Variants in RAD54L2 observed in about 807,000 individuals in gnomAD.
The protein encoded by RAD54L2 is helicase ARIP4.
Under a neutral mutation model 138.4 loss-of-function variants are expected in RAD54L2, and 27 were observed. That is an observed-to-expected ratio of 0.20 (90% CI 0.14 to 0.27). The LOEUF (loss-of-function observed/expected upper bound fraction) is 0.27. RAD54L2 is among the 10% of genes least tolerant of loss of function. The pLI, the probability that RAD54L2 is intolerant of heterozygous loss-of-function variation, is 1.00. For synonymous variants in RAD54L2, 644 were observed against 723.2 expected (o/e 0.89, Z 1.76); for missense variants, 1,396 against 1,890.2 (o/e 0.74, Z 4.85).
chr3:51,634,175 C>A, intron 9 of RAD54L2, 140 bp downstream of exon 9: 1 of 1,153,292 alleles, frequency 8.7e-7, no homozygotes, highest in Non-Finnish European at 1.2e-6. Flanking sequence ...TTTCTCTGTT[C>A]TTGCTACTCA....
chr3:51,567,297 G>A (rs749636599), intron 2 of RAD54L2, among the ~76,000 whole-genome samples: 15 of 152,062 alleles, frequency 9.9e-5, no homozygotes, highest in Non-Finnish European at 1.3e-4. Flanking sequence ...TACATGTTTC[G>A]CAGTGGGATA....
At position 51,645,463 on chromosome 3, in the gene RAD54L2, G is replaced by A; in HGVS notation, c.2657-128G>A. 9.4e-6 allele frequency: 10 copies of A among 1,062,058 alleles called. No individual in the cohort carries two copies. The highest frequency in any genetic ancestry group is 1.3e-5 in the Non-Finnish European group (10 of 744,892). The allele number at this position is 1,062,058 out of a possible 1,614,324, so 65.8% of individuals were successfully genotyped here. ...TATACAAGTTTTCCCCTTATATGAT[G>A]TTTCCAGTGTCACCAGCACCTCAGA... On this transcript the variant is annotated intron_variant, in intron 17 of 22. Transcript: ENST00000684192. The surrounding 1 kb of genome is among the most constrained non-coding windows in gnomAD (Gnocchi z 6.1).
chr3:51,645,323 A>C lies in RAD54L2; in HGVS notation c.2656+94A>C. Reference sequence around the variant, plus strand: ...GGAGAGGAGCAGGATATGGGAACACAGGCAGGCTTCGAGAAAGCCAGCATT... The same window carrying C: ...GGAGAGGAGCAGGATATGGGAACACCGGCAGGCTTCGAGAAAGCCAGCATT... On this transcript the variant is annotated intron_variant, in intron 17 of 22. Transcript: ENST00000684192. This position sits in a 1 kb window ranked among gnomAD's most constrained non-coding sequence, Gnocchi z 6.1. The C allele has an allele frequency of 7.6e-7, 1 of 1,309,892 alleles. No homozygotes were observed. The highest frequency in any genetic ancestry group is 1.1e-6 in the Non-Finnish European group (1 of 940,594). 81.1% of individuals were successfully genotyped at this position (1,309,892 alleles called of 1,614,324 possible).
intron 3 of RAD54L2, among the ~76,000 whole-genome samples, chr3:51,624,448 T>A (rs1700633795): frequency 6.6e-6 from 1 of 152,076 alleles, no homozygotes. Context: ...TTTTGAGAGA[T>A]GGGGTTTTGC....
chr3:51,547,829 G>A (rs752026109), intron 2 of RAD54L2, among the ~76,000 whole-genome samples: 34 of 152,072 alleles, frequency 2.2e-4, no homozygotes, highest in Admixed American at 1.4e-3. Context: ...CGATTCACCC[G>A]CCTTGGCCTC....
In RAD54L2 at chr3:51,662,698, G is replaced by T. The variant is rs1485661054; in HGVS notation, c.3682G>T (p.Gly1228Cys). Reference protein sequence around the residue: ...TALGTEPRLGGHCLNSSLLVT... With the variant: ...TALGTEPRLGCHCLNSSLLVT... ...TCTCGGAACTGAGCCTCGACTAGGG[G>T]GTCATTGCCTCAATAGTTCCCTCTT... The change falls in exon 23 of 23, where the codon GGT (glycine) becomes TGT (cysteine). Residue 1228 changes from glycine (G) to cysteine (C), a missense_variant. Physicochemically the swap from Gly to Cys is radical, Grantham distance 159. Coordinates refer to ENST00000684192, the MANE Select transcript of RAD54L2 (RefSeq NM_015106.4). The surrounding 1 kb of genome is among the most constrained non-coding windows in gnomAD (Gnocchi z 4.6). 2 of 1,613,756 alleles carry T rather than the reference G, an allele frequency of 1.2e-6. No individual in the cohort carries two copies. The highest frequency in any genetic ancestry group is 2.7e-5 in the African/African-American group (2 of 74,922).
At chr3:51,586,153 A>G (rs1012226649) in intron 2 of RAD54L2, among the ~76,000 whole-genome samples, 4 of 152,058 alleles carry the variant, frequency 2.6e-5, no homozygotes, top group African/African-American at 9.7e-5. Context: ...TTAGAGAAGA[A>G]TACAGTTGAC....
At chr3:51,556,957 C>T (rs1049951802) in intron 2 of RAD54L2, among the ~76,000 whole-genome samples, 13 of 152,082 alleles carry the variant, frequency 8.5e-5, no homozygotes, top group Non-Finnish European at 1.0e-4. Context: ...TTCCTAGTTG[C>T]CTGGACCAAA....
In RAD54L2 at chr3:51,635,551, T is replaced by C. The variant is rs371438600; in HGVS notation, c.1143-42T>C. On this transcript the variant is annotated intron_variant, in intron 9 of 22. Transcript: ENST00000684192. The stretch of plus-strand genomic sequence containing the variant: ...GCAGCAGAAACAATAATTCTTGAGA[T>C]ATAATTCACATCTCACACAATTTTC... 7.3e-5 allele frequency: 114 copies of C among 1,553,610 alleles called. 1 individual carries two copies. Among genetic ancestry groups the C allele is most frequent in the African/African-American group, 1.4e-5 (1 of 72,996 alleles).
At position 51,660,029 on chromosome 3, in the gene RAD54L2, C is replaced by T. The variant is rs763516756; in HGVS notation, c.3320C>T (p.Thr1107Met). 3.6e-5 allele frequency: 57 copies of T among 1,574,482 alleles called. No homozygotes were observed. The highest frequency in any genetic ancestry group is 4.4e-5 in the Non-Finnish European group (51 of 1,149,228). ...SIHIIRGTKG[T>M]YIRTSDGRIF... Reference sequence around the variant, plus strand: ...TCTTCTTCGTGTCTATTCTTAGGGACGTACATCCGTACCAGTGATGGACGG... The same window carrying T: ...TCTTCTTCGTGTCTATTCTTAGGGATGTACATCCGTACCAGTGATGGACGG... Residue 1107 changes from threonine to methionine, a missense_variant, in exon 22 of 23, where the codon ACG becomes ATG. Physicochemically the swap from Thr to Met is moderately conservative, Grantham distance 81. Around this residue, in one of 7 missense-constraint regions of RAD54L2, gnomAD observed 634 missense variants for 711.2 expected, o/e 0.89. Coordinates refer to ENST00000684192, the MANE Select transcript of RAD54L2 (RefSeq NM_015106.4).
At chr3:51,560,197 A>C (rs1158989788) in intron 2 of RAD54L2, among the ~76,000 whole-genome samples, 1 of 152,142 alleles carries the variant, frequency 6.6e-6, no homozygotes, top group Non-Finnish European at 1.5e-5. Flanking sequence ...TCTGGTTTTC[A>C]ACCTGGGCTT....
chr3:51,539,685 T>A (rs1698502964), intron 1 of RAD54L2, among the ~76,000 whole-genome samples: 1 of 151,974 alleles, frequency 6.6e-6, no homozygotes, highest in Non-Finnish European at 1.5e-5. Context: ...TTTATGTGGG[T>A]CATGGTGGTG....
chr3:51,618,825 C>T (rs1700504240), intron 3 of RAD54L2, among the ~76,000 whole-genome samples: 1 of 152,154 alleles, frequency 6.6e-6, no homozygotes, highest in South Asian at 2.1e-4. Context: ...AAAACAATAT[C>T]TTCTATCCCA....
chr3:51,594,206 T>C (rs1699905715), intron 3 of RAD54L2, among the ~76,000 whole-genome samples: 1 of 151,670 alleles, frequency 6.6e-6, no homozygotes, highest in African/African-American at 2.4e-5. Flanking sequence ...GAGTAGTAGC[T>C]GGAATTACAG....
intron 2 of RAD54L2, among the ~76,000 whole-genome samples, chr3:51,588,185 CAAAAAAAAAAAA>C (rs987919898): frequency 2.4e-4 from 3 of 12,714 alleles, no homozygotes; most frequent in Non-Finnish European, 3.3e-4. Context: ...GACTCCATCT[CAAAAAAAAAAAA>C]AAAAAAAAAA....
intron 2 of RAD54L2, among the ~76,000 whole-genome samples, chr3:51,583,675 C>A (rs1324519293): frequency 6.6e-6 from 1 of 151,498 alleles, no homozygotes; most frequent in Non-Finnish European, 1.5e-5. Context: ...GATCTGCCCG[C>A]CTCGGCCTCC....
At chr3:51,608,890 G>A (rs570574536) in intron 3 of RAD54L2, among the ~76,000 whole-genome samples, 12 of 152,052 alleles carry the variant, frequency 7.9e-5, no homozygotes, top group African/African-American at 1.2e-4. Flanking sequence ...GGGAGGGAGA[G>A]GTAATTATTA....
chr3:51,590,597 A>G lies in RAD54L2; in HGVS notation c.139+38A>G, dbSNP rs200280178. 1,942 of 1,552,144 alleles carry G rather than the reference A, an allele frequency of 1.3e-3. 2 individuals carry two copies. Among genetic ancestry groups the G allele is most frequent in the Non-Finnish European group, 1.5e-3 (1,676 of 1,147,106 alleles). ...TATTGAGTGACAGAAGTTGCCTTAT[A>G]TTTTCCTCCAGTGGAATTTTTGCTG... On this transcript the variant is annotated intron_variant, in intron 3 of 22. Coordinates refer to ENST00000684192, the MANE Select transcript of RAD54L2 (RefSeq NM_015106.4).
At chr3:51,547,505 A>C (rs1334693984) in intron 2 of RAD54L2, among the ~76,000 whole-genome samples, 1 of 152,202 alleles carries the variant, frequency 6.6e-6, no homozygotes, top group African/African-American at 2.4e-5. Flanking sequence ...AGTAGGCGGA[A>C]ATGAAAAATG....
Sources: gnomAD v4.1 joint callset for allele counts (sites outside exome capture counted in the v4.1 genomes callset) on GRCh38, gnomAD v4.1.1 for gene constraint, gnomAD v4.1.1 regional missense constraint, Gnocchi (gnomAD v3.1) non-coding constraint, MANE v1.5 for transcripts, NCBI Gene and HGNC (gene_info 2026-07-23, HGNC 2026-07-21) for gene names.